RBFOX3: variants seen among roughly 807,000 people sequenced by gnomAD.
RBFOX3 encodes RNA binding fox-1 homolog 3.
A neutral mutation model predicts 48.7 loss-of-function variants in RBFOX3; 17 were observed. The ratio of observed to expected loss-of-function variants is 0.35; its 90% CI spans 0.24 to 0.52. RBFOX3 has a LOEUF of 0.52. RBFOX3 is among the 20% of genes least tolerant of loss of function. RBFOX3 has a pLI of 0.94. For synonymous variants in RBFOX3, 212 were observed against 209.5 expected (o/e 1.01, Z -0.10); for missense variants, 382 against 497.5 (o/e 0.77, Z 2.21).
intron 3 of RBFOX3, among the ~76,000 whole-genome samples, chr17:79,270,016 C>T (rs905888690): frequency 2.9e-4 from 44 of 152,246 alleles, no homozygotes; most frequent in African/African-American, 1.1e-3. Flanking sequence ...CATCTGTCTG[C>T]CTTCTTGGCT....
intron 2 of RBFOX3, among the ~76,000 whole-genome samples, chr17:79,370,996 C>T (rs899331653): frequency 3.4e-4 from 3 of 8,802 alleles, no homozygotes; most frequent in African/African-American, 3.8e-4. Context: ...CTCTCCTCCC[C>T]CGGTAGGGGG....
At chr17:79,507,635 A>G (rs1266050872) in intron 1 of RBFOX3, among the ~76,000 whole-genome samples, 2 of 152,154 alleles carry the variant, frequency 1.3e-5, no homozygotes, top group Non-Finnish European at 2.9e-5. Context: ...CATGTCAGAC[A>G]AGCCACAGCT....
chr17:79,296,566 C>G (rs1357653620), intron 3 of RBFOX3, among the ~76,000 whole-genome samples: 2 of 152,066 alleles, frequency 1.3e-5, no homozygotes, highest in Non-Finnish European at 2.9e-5. Context: ...GAGCCGGGCT[C>G]CCAGGAAAAT....
intron 4 of RBFOX3, among the ~76,000 whole-genome samples, chr17:79,176,349 T>C (rs1187885692): frequency 1.3e-5 from 2 of 152,076 alleles, no homozygotes; most frequent in Non-Finnish European, 1.5e-5. Flanking sequence ...CTGTCCACAG[T>C]TCAAGCTGGA....
At chr17:79,366,058 C>T (rs1311040447) in intron 2 of RBFOX3, among the ~76,000 whole-genome samples, 1 of 152,260 alleles carries the variant, frequency 6.6e-6, no homozygotes, top group East Asian at 1.9e-4. Context: ...CACCATGCTG[C>T]AGCCTGGAGC....
rs991421550 is a variant in RBFOX3 at position 79,220,986 on chromosome 17, G to A, written c.-34+14780C>T. The stretch of plus-strand genomic sequence containing the variant: ...CATCTAACGTCTGTCCTGCCTCAGC[G>A]TTTTCCAGGACACCCCATCCATGAG... On this transcript the variant is annotated intron_variant, in intron 4 of 14. Transcript: ENST00000693108. The surrounding 1 kb of genome is among the most constrained non-coding windows in gnomAD (Gnocchi z 5.9). 6.6e-6 allele frequency among the ~76,000 whole-genome samples: 1 copy of A among 152,196 alleles called. No individual in the cohort carries two copies. The highest frequency in any genetic ancestry group is 1.5e-5 in the Non-Finnish European group (1 of 68,026).
intron 2 of RBFOX3, among the ~76,000 whole-genome samples, chr17:79,329,240 C>A (rs2079828306): frequency 6.6e-6 from 1 of 152,258 alleles, no homozygotes; most frequent in South Asian, 2.1e-4. Flanking sequence ...CAACTCTGCT[C>A]TGTATGGAAA....
intron 1 of RBFOX3, among the ~76,000 whole-genome samples, chr17:79,489,885 C>T (rs1246624312): frequency 3.3e-5 from 5 of 152,150 alleles, no homozygotes; most frequent in African/African-American, 7.2e-5. Context: ...CTCTGTACCC[C>T]GCAAAACATA....
intron 2 of RBFOX3, among the ~76,000 whole-genome samples, chr17:79,321,392 C>T (rs546000437): frequency 9.7e-4 from 148 of 152,338 alleles, no homozygotes; most frequent in African/African-American, 3.4e-3. Flanking sequence ...CTGAGCTAAA[C>T]GTTCAGCTAG....
intron 2 of RBFOX3, among the ~76,000 whole-genome samples, chr17:79,427,614 A>C (rs1376042140): frequency 2.0e-5 from 3 of 152,034 alleles, no homozygotes; most frequent in Non-Finnish European, 2.9e-5. Flanking sequence ...AGCATTTCTC[A>C]CTCTTAACCG....
chr17:79,568,552 T>C (rs2092550864), intron 1 of RBFOX3, among the ~76,000 whole-genome samples: 1 of 152,132 alleles, frequency 6.6e-6, no homozygotes, highest in African/African-American at 2.4e-5. Context: ...TTCTGCTGGT[T>C]CCCCTGACTC....
At chr17:79,338,008 G>A (rs924922695) in intron 2 of RBFOX3, among the ~76,000 whole-genome samples, 1 of 150,706 alleles carries the variant, frequency 6.6e-6, no homozygotes, top group Non-Finnish European at 1.5e-5. Flanking sequence ...GCGCGATCTC[G>A]GCTCACTGCA....
chr17:79,633,374 C>T, the RBFOX3 span, among the ~76,000 whole-genome samples: 1 of 152,244 alleles, frequency 6.6e-6, no homozygotes. Flanking sequence ...CAGGTCATTC[C>T]GGGTGCACCC....
At chr17:79,290,415 C>T (rs996493158) in intron 3 of RBFOX3, among the ~76,000 whole-genome samples, 5 of 152,036 alleles carry the variant, frequency 3.3e-5, no homozygotes, top group Admixed American at 6.6e-5. Context: ...AGTAGAGATT[C>T]GTGATTTTCC....
chr17:79,263,362 AT>A (rs1318114589), intron 3 of RBFOX3, among the ~76,000 whole-genome samples: 1 of 152,260 alleles, frequency 6.6e-6, no homozygotes, highest in Non-Finnish European at 1.5e-5. Flanking sequence ...CACTTTGTAA[AT>A]TCTGCAGCAC....
chr17:79,339,856 T>C (rs1229513216), intron 2 of RBFOX3, among the ~76,000 whole-genome samples: 1 of 152,206 alleles, frequency 6.6e-6, no homozygotes, highest in Non-Finnish European at 1.5e-5. Flanking sequence ...GCAGTTCCTT[T>C]CTAGCACCTA....
intron 2 of RBFOX3, among the ~76,000 whole-genome samples, chr17:79,359,606 A>G (rs12449822): frequency 0.38 from 58,293 of 151,786 alleles, 11,346 homozygotes; most frequent in Middle Eastern, 0.49. Context: ...AGAAGAGAAA[A>G]TCACCCACCT....
chr17:79,179,606 A>C (rs951057281), intron 4 of RBFOX3, among the ~76,000 whole-genome samples: 2 of 152,062 alleles, frequency 1.3e-5, no homozygotes, highest in African/African-American at 2.4e-5. Flanking sequence ...CTGGCTTGCA[A>C]TAGGATGGAA....
At chr17:79,285,478 ACATACTGTAG>A (rs1419224247) in intron 3 of RBFOX3, among the ~76,000 whole-genome samples, 1 of 152,214 alleles carries the variant, frequency 6.6e-6, no homozygotes, top group Non-Finnish European at 1.5e-5. Context: ...CACAGGCTCC[ACATACTGTAG>A]CATACAATGC....
Sources: gnomAD v4.1 joint callset for allele counts (sites outside exome capture counted in the v4.1 genomes callset) on GRCh38, gnomAD v4.1.1 for gene constraint, Gnocchi (gnomAD v3.1) non-coding constraint, MANE v1.5 for transcripts, NCBI Gene and HGNC (gene_info 2026-07-23, HGNC 2026-07-21) for gene names.